DGKB: variants seen among roughly 807,000 people sequenced by gnomAD.
DGKB encodes diacylglycerol kinase beta.
Under a neutral mutation model 114.3 loss-of-function variants are expected in DGKB, and 67 were observed. That is an observed-to-expected ratio of 0.59 (90% confidence interval 0.48 to 0.72). The LOEUF (loss-of-function observed/expected upper bound fraction) is 0.72, where lower values mean the gene tolerates loss of function less well. Ranked by LOEUF, DGKB falls within the 30% of genes least tolerant of loss-of-function variation. The pLI, the probability that DGKB is intolerant of heterozygous loss-of-function variation, is 0.00. For synonymous variants in DGKB, 398 were observed against 323.1 expected (o/e 1.23, Z -2.49); for missense variants, 907 against 975.2 (o/e 0.93, Z 0.93).
chr7:14,729,126 T>TC (rs200033811), intron 5 of DGKB, among the ~76,000 whole-genome samples: 1,528 of 142,170 alleles, frequency 0.011, 48 homozygotes, highest in African/African-American at 0.039. Context: ...TTTCTTTCTT[T>TC]TTTTTTTTTT....
intron 23 of DGKB, among the ~76,000 whole-genome samples, chr7:14,238,323 C>A (rs936873626): frequency 6.6e-6 from 1 of 151,992 alleles, no homozygotes; most frequent in African/African-American, 2.4e-5. Flanking sequence ...CTCTCTCTTT[C>A]TTGCTCTGAC....
At chr7:14,800,350 G>T (rs1281189234) in intron 2 of DGKB, among the ~76,000 whole-genome samples, 2 of 152,230 alleles carry the variant, frequency 1.3e-5, no homozygotes, top group African/African-American at 4.8e-5. Flanking sequence ...GTTGACAAAA[G>T]AAATTAACAT....
intron 2 of DGKB, among the ~76,000 whole-genome samples, chr7:14,763,220 T>C (rs1835964355): frequency 6.6e-6 from 1 of 152,038 alleles, no homozygotes; most frequent in Non-Finnish European, 1.5e-5. Flanking sequence ...TATGGCATGG[T>C]TTATCTGTCA....
rs913616838 is a variant in DGKB at position 14,359,950 on chromosome 7, G to A, written c.1836-14559C>T. On this transcript the variant is annotated intron_variant, in intron 21 of 25. Coordinates refer to ENST00000402815, the MANE Select transcript of DGKB (RefSeq NM_001350709.2). ...CACTAGAAATACCGTTTGATGCAGC[G>A]ATCCCATTACTAGATATATACCCAA... Among the ~76,000 whole-genome samples, 7 of 151,928 alleles carry A rather than the reference G, an allele frequency of 4.6e-5. 1 individual carries two copies. The highest frequency in any genetic ancestry group is 1.3e-4 in the Admixed American group (2 of 15,248).
At chr7:14,390,642 T>C (rs916258011) in intron 21 of DGKB, among the ~76,000 whole-genome samples, 1 of 152,184 alleles carries the variant, frequency 6.6e-6, no homozygotes, top group Non-Finnish European at 1.5e-5. Flanking sequence ...AACTTTCAAA[T>C]GTAGGTATTT....
intron 9 of DGKB, among the ~76,000 whole-genome samples, chr7:14,688,691 G>C (rs1822151923): frequency 6.6e-6 from 1 of 152,184 alleles, no homozygotes; most frequent in African/African-American, 2.4e-5. Context: ...TCCATGCTGA[G>C]AAGGAACTTT....
chr7:14,734,692 T>A (rs963604337), intron 5 of DGKB, among the ~76,000 whole-genome samples: 1 of 152,222 alleles, frequency 6.6e-6, no homozygotes, highest in Admixed American at 6.5e-5. Context: ...TTTTTCATAA[T>A]AATGGGTTAT....
chr7:14,303,405 C>G (rs1254236352), intron 23 of DGKB, among the ~76,000 whole-genome samples: 1 of 152,004 alleles, frequency 6.6e-6, no homozygotes, highest in East Asian at 1.9e-4. Context: ...AGTAAAAAAT[C>G]AATATTTAGC....
At chr7:14,676,169 A>G (rs1246733990) in intron 12 of DGKB, among the ~76,000 whole-genome samples, 1 of 152,096 alleles carries the variant, frequency 6.6e-6, no homozygotes, top group African/African-American at 2.4e-5. Context: ...AGAATTCAAA[A>G]GCTACAAATT....
chr7:14,625,810 A>G (rs961990420), intron 14 of DGKB, among the ~76,000 whole-genome samples: 4 of 152,198 alleles, frequency 2.6e-5, no homozygotes, highest in Admixed American at 2.0e-4. Context: ...AGAAAATAGA[A>G]CATATAACTA....
At chr7:14,704,399 G>A (rs1166184101) in intron 6 of DGKB, among the ~76,000 whole-genome samples, 1 of 140,546 alleles carries the variant, frequency 7.1e-6, no homozygotes, top group East Asian at 2.1e-4. Flanking sequence ...AGTGAGCCGA[G>A]ATCACGCCAC....
intron 1 of DGKB, among the ~76,000 whole-genome samples, chr7:14,857,497 A>G (rs1411445633): frequency 6.6e-6 from 1 of 152,150 alleles, no homozygotes; most frequent in East Asian, 1.9e-4. Context: ...CTGAAATAAT[A>G]AATAGCGGAT....
chr7:14,900,545 A>T (rs1169450666), intron 1 of DGKB, among the ~76,000 whole-genome samples: 1 of 152,138 alleles, frequency 6.6e-6, no homozygotes, highest in African/African-American at 2.4e-5. Context: ...AGCTATCTTC[A>T]TCTGGCTTGT....
intron 13 of DGKB, among the ~76,000 whole-genome samples, chr7:14,661,705 G>C (rs1007704948): frequency 2.0e-5 from 3 of 151,490 alleles, no homozygotes; most frequent in African/African-American, 7.3e-5. Context: ...CCATTACCGG[G>C]TATATACCCA....
chr7:14,677,240 G>A (rs1525079), intron 12 of DGKB, among the ~76,000 whole-genome samples: 52,988 of 151,792 alleles, frequency 0.35, 9,536 homozygotes, highest in Middle Eastern at 0.4. Flanking sequence ...AAGAAAATGG[G>A]ATCTGAGAAG....
chr7:14,221,285 A>G (rs1789914877), intron 23 of DGKB, among the ~76,000 whole-genome samples: 1 of 151,348 alleles, frequency 6.6e-6, no homozygotes, highest in Admixed American at 6.6e-5. Context: ...CTAGTATTTC[A>G]CCATTAAGTA....
intron 1 of DGKB, among the ~76,000 whole-genome samples, chr7:14,853,085 C>T (rs1244321773): frequency 1.3e-5 from 2 of 152,104 alleles, no homozygotes; most frequent in South Asian, 2.1e-4. Context: ...ATAATCTACT[C>T]TAATGCTGTT....
chr7:14,541,583 T>A (rs928225793), intron 20 of DGKB, among the ~76,000 whole-genome samples: 1 of 152,212 alleles, frequency 6.6e-6, no homozygotes, highest in African/African-American at 2.4e-5. Context: ...TTAGAAACAA[T>A]AGATTGATAG....
chr7:14,814,009 C>T (rs1843759649), intron 2 of DGKB: 1 of 152,056 alleles, frequency 6.6e-6, no homozygotes, highest in South Asian at 2.1e-4. Context: ...ATCTTATATT[C>T]CATACGTTTT....
Sources: gnomAD v4.1 joint callset for allele counts (sites outside exome capture counted in the v4.1 genomes callset) on GRCh38, gnomAD v4.1.1 for gene constraint, MANE v1.5 for transcripts, NCBI Gene and HGNC (gene_info 2026-07-23, HGNC 2026-07-21) for gene names.